Variants in CFAP263 observed in about 807,000 individuals in gnomAD.
CFAP263 encodes cilia- and flagella-associated protein 263.
the CFAP263 span, among the ~76,000 whole-genome samples, chr16:58,252,386 T>C: frequency 6.6e-6 from 1 of 151,530 alleles, no homozygotes; most frequent in East Asian, 1.9e-4. Context: ...TATATAGTAA[T>C]TCAGAAATAA....
the CFAP263 span, among the ~76,000 whole-genome samples, chr16:58,275,237 G>C: frequency 6.6e-6 from 1 of 152,178 alleles, no homozygotes; most frequent in South Asian, 2.1e-4. Flanking sequence ...TTAAAATGCA[G>C]ATTCTGAGTG....
chr16:58,262,493 C>T, the CFAP263 span: 1 of 1,612,854 alleles, frequency 6.2e-7, no homozygotes, highest in Non-Finnish European at 8.5e-7. Context: ...ACTGACCCAG[C>T]TAAAGCTGTC....
the CFAP263 span, among the ~76,000 whole-genome samples, chr16:58,268,136 G>A: frequency 0.18 from 26,813 of 151,954 alleles, 3,004 homozygotes; most frequent in South Asian, 0.36. Flanking sequence ...AGCAGAGACC[G>A]GCTGAAGGAC....
chr16:58,267,660 C>A, the CFAP263 span: 1 of 905,456 alleles, frequency 1.1e-6, no homozygotes, highest in Non-Finnish European at 1.8e-6. Context: ...CAAGGTCCAC[C>A]AAGATCTAAG....
the CFAP263 span, among the ~76,000 whole-genome samples, chr16:58,269,378 G>GAAGAAAGAAAAGA: frequency 1.3e-4 from 19 of 149,340 alleles, no homozygotes; most frequent in African/African-American, 4.7e-4. Context: ...TTATTTATAA[G>GAAGAAAGAAAAGA]AAGAAAGGAA....
At chr16:58,261,255 C>T in the CFAP263 span, among the ~76,000 whole-genome samples, 1 of 152,086 alleles carries the variant, frequency 6.6e-6, no homozygotes, top group Non-Finnish European at 1.5e-5. Flanking sequence ...AGAGCTGGGG[C>T]TGTGGATGGA....
At chr16:58,258,661 T>C in the CFAP263 span, 1 of 714,552 alleles carries the variant, frequency 1.4e-6, no homozygotes, top group Non-Finnish European at 2.3e-6. Flanking sequence ...TTTGCATCCC[T>C]GAAAGTGTAT....
At chr16:58,283,653 C>CTAT in the CFAP263 span, 50 of 152,240 alleles carry the variant, frequency 3.3e-4, no homozygotes, top group African/African-American at 1.1e-3. Flanking sequence ...TGTTAAAAAG[C>CTAT]TATATCTTCA....
At chr16:58,266,232 C>G in the CFAP263 span, among the ~76,000 whole-genome samples, 1 of 151,734 alleles carries the variant, frequency 6.6e-6, no homozygotes, top group Non-Finnish European at 1.5e-5. Flanking sequence ...CCTGCCTTCA[C>G]TTTGACTGTG....
the CFAP263 span, chr16:58,252,825 T>A: frequency 1.2e-6 from 2 of 1,613,934 alleles, no homozygotes; most frequent in South Asian, 2.2e-5. Flanking sequence ...TTATCAGAAA[T>A]TAAAATATCA....
chr16:58,253,848 A>C, the CFAP263 span: 2 of 755,956 alleles, frequency 2.6e-6, no homozygotes, highest in Non-Finnish European at 4.4e-6. Flanking sequence ...CTCAGGCCTA[A>C]TATCCAGCAT....
At chr16:58,250,130 G>A in the CFAP263 span, 1 of 1,523,020 alleles carries the variant, frequency 6.6e-7, no homozygotes, top group Non-Finnish European at 8.9e-7. Context: ...CGCCGCCCGC[G>A]CCTGGGGGCC....
At chr16:58,279,846 G>C in the CFAP263 span, 16 of 1,240,628 alleles carry the variant, frequency 1.3e-5, no homozygotes, top group Non-Finnish European at 1.6e-5. Flanking sequence ...TTCTAGTCAC[G>C]GGCTCCTCTC....
the CFAP263 span, chr16:58,250,224 A>G: frequency 1.6e-6 from 1 of 608,612 alleles, no homozygotes; most frequent in Non-Finnish European, 2.9e-6. Flanking sequence ...CTCACTGAGC[A>G]CTGGGGAGAC....
chr16:58,280,439 G>A, the CFAP263 span: 1 of 1,614,102 alleles, frequency 6.2e-7, no homozygotes, highest in Admixed American at 1.7e-5. Context: ...CTGTTTCCTA[G>A]TCGTGAATGC....
chr16:58,267,963 C>A, the CFAP263 span, among the ~76,000 whole-genome samples: 2 of 145,644 alleles, frequency 1.4e-5, no homozygotes, highest in Admixed American at 6.9e-5. Flanking sequence ...GTGCATATGC[C>A]AAAATAGAAT....
chr16:58,258,263 T>C, the CFAP263 span: 5 of 920,772 alleles, frequency 5.4e-6, no homozygotes, highest in South Asian at 6.7e-5. Context: ...AGAAGAAACA[T>C]AATATTTTGG....
At chr16:58,254,547 G>A in the CFAP263 span, among the ~76,000 whole-genome samples, 1 of 151,808 alleles carries the variant, frequency 6.6e-6, no homozygotes, top group African/African-American at 2.4e-5. Context: ...TTTAATATAT[G>A]AATTCTTTTA....
the CFAP263 span, chr16:58,258,496 A>G: frequency 6.2e-7 from 1 of 1,614,164 alleles, no homozygotes; most frequent in Non-Finnish European, 8.5e-7. Flanking sequence ...AAGTGATGAA[A>G]TACATTGAGG....
Sources: allele counts gnomAD v4.1 joint callset (sites outside exome capture counted in the v4.1 genomes callset), GRCh38; gene constraint gnomAD v4.1.1; transcripts MANE v1.5; gene names NCBI Gene and HGNC (gene_info 2026-07-23, HGNC 2026-07-21).